UVRAG: variants seen among roughly 807,000 people sequenced by gnomAD.
The protein encoded by UVRAG is UV radiation resistance associated, also known as UV radiation resistance-associated gene protein.
In UVRAG, 19 loss-of-function variants were observed where a neutral mutation model predicts 78.0. The observed-to-expected ratio is 0.24, with a 90% CI of 0.17 to 0.36. The LOEUF is 0.36. Ranked by LOEUF, UVRAG falls within the 10% of genes least tolerant of loss-of-function variation. UVRAG has a pLI of 1.00. For missense variants in UVRAG, 740 were observed against 853.8 expected (o/e 0.87, Z 1.66); for synonymous variants, 323 against 324.6 (o/e 1.00, Z 0.05).
intron 4 of UVRAG, among the ~76,000 whole-genome samples, chr11:75,884,685 T>C (rs973708791): frequency 2.6e-5 from 4 of 152,142 alleles, no homozygotes; most frequent in Non-Finnish European, 5.9e-5. Flanking sequence ...TTGAATTACC[T>C]TGTCATCTTT....
chr11:75,929,419 A>G (rs372199873), intron 6 of UVRAG, among the ~76,000 whole-genome samples: 2 of 152,126 alleles, frequency 1.3e-5, no homozygotes, highest in South Asian at 2.1e-4. Flanking sequence ...TGAAAATCAG[A>G]GAGTTGTTTT....
intron 13 of UVRAG, among the ~76,000 whole-genome samples, chr11:76,091,574 T>C (rs549443284): frequency 3.0e-4 from 46 of 152,304 alleles, no homozygotes; most frequent in African/African-American, 1.0e-3. Context: ...TCTCTTTGTC[T>C]TTTTGTTCTA....
chr11:76,082,641 G>C lies in UVRAG; in HGVS notation c.1305+16853G>C, dbSNP rs139204851. 3.2e-3 allele frequency among the ~76,000 whole-genome samples: 481 copies of C among 151,192 alleles called. 6 individuals are homozygous for C. Among genetic ancestry groups the C allele is most frequent in the African/African-American group, 0.011 (456 of 41,148 alleles). Reference sequence around the variant, plus strand: ...CTTGAAAAATAATTGCCATTACAAAGGATGGCAAGGACTTCGTATTTCAGC... The same window carrying C: ...CTTGAAAAATAATTGCCATTACAAACGATGGCAAGGACTTCGTATTTCAGC... On this transcript the variant is annotated intron_variant, in intron 13 of 14. Transcript: ENST00000356136.
At chr11:75,964,698 C>A (rs1448690043) in intron 7 of UVRAG, among the ~76,000 whole-genome samples, 1 of 152,140 alleles carries the variant, frequency 6.6e-6, no homozygotes, top group Admixed American at 6.5e-5. Context: ...GTCAGGAGTT[C>A]GAGACCAGCC....
At chr11:75,965,686 T>G (rs554584819) in intron 7 of UVRAG, among the ~76,000 whole-genome samples, 77 of 152,332 alleles carry the variant, frequency 5.1e-4, no homozygotes, top group African/African-American at 1.7e-3. Flanking sequence ...GAGGCATTAT[T>G]GCAAGTGGAA....
chr11:75,994,016 G>T (rs1313111722), intron 8 of UVRAG, among the ~76,000 whole-genome samples: 1 of 152,050 alleles, frequency 6.6e-6, no homozygotes, highest in African/African-American at 2.4e-5. Context: ...CATTTGTGAG[G>T]GATCCATCCC....
chr11:75,925,923 G>GT (rs1380087350), intron 6 of UVRAG, among the ~76,000 whole-genome samples: 2 of 152,170 alleles, frequency 1.3e-5, no homozygotes, highest in African/African-American at 4.8e-5. Context: ...CAGAGTCTGA[G>GT]TTTAGTGGTA....
rs182515293 is a variant in UVRAG, at chr11:76,025,901, C to T, written c.1226+8921C>T. Among the ~76,000 whole-genome samples, 231 of 152,094 alleles carry T rather than the reference C, an allele frequency of 1.5e-3. 1 individual carries two copies. Among genetic ancestry groups the T allele is most frequent in the Non-Finnish European group, 2.6e-3 (175 of 67,964 alleles). On this transcript the variant is annotated intron_variant, in intron 12 of 14. Transcript: ENST00000356136. Reference sequence around the variant, plus strand: ...ACAGGTCCCCAAGTCTTATGACCTGCGTTTTTTATTATTCTTGCAGCCACA... The same window carrying T: ...ACAGGTCCCCAAGTCTTATGACCTGTGTTTTTTATTATTCTTGCAGCCACA...
chr11:75,906,021 C>T (rs1468096886), intron 5 of UVRAG, among the ~76,000 whole-genome samples: 1 of 152,050 alleles, frequency 6.6e-6, no homozygotes, highest in Non-Finnish European at 1.5e-5. Context: ...ATGTCTCTTG[C>T]AGTTCTTTGC....
chr11:76,027,337 T>C (rs1427182865), intron 12 of UVRAG, among the ~76,000 whole-genome samples: 1 of 152,298 alleles, frequency 6.6e-6, no homozygotes, highest in South Asian at 2.1e-4. Flanking sequence ...GCAGTTACTC[T>C]GTTACTTTCT....
chr11:75,852,132 C>G, intron 2 of UVRAG, 132 bp downstream of exon 2: 2 of 601,122 alleles, frequency 3.3e-6, no homozygotes, highest in South Asian at 4.4e-5. Context: ...CTGAAAATAT[C>G]TCATGAGCAG....
chr11:76,099,745 G>A (rs757691055), intron 13 of UVRAG, among the ~76,000 whole-genome samples: 24 of 151,882 alleles, frequency 1.6e-4, no homozygotes, highest in African/African-American at 3.1e-4. Flanking sequence ...ATAGCACCAC[G>A]TAATATTCTA....
intron 6 of UVRAG, among the ~76,000 whole-genome samples, chr11:75,921,931 T>C (rs988431396): frequency 7.9e-5 from 12 of 152,302 alleles, no homozygotes; most frequent in African/African-American, 2.6e-4. Context: ...ACTTTCAGAT[T>C]GATTTAACTA....
At chr11:75,820,464 C>A (rs1333012871) in intron 1 of UVRAG, among the ~76,000 whole-genome samples, 1 of 151,790 alleles carries the variant, frequency 6.6e-6, no homozygotes, top group African/African-American at 2.4e-5. Context: ...AAGCGATTCT[C>A]CTGCCTCAGC....
chr11:75,897,809 C>T (rs1947377058), intron 5 of UVRAG, among the ~76,000 whole-genome samples: 2 of 150,408 alleles, frequency 1.3e-5, no homozygotes, highest in Admixed American at 6.7e-5. Flanking sequence ...CAGGCATGAG[C>T]TACCAGCTGC....
chr11:75,997,411 A>C (rs1281277441), intron 8 of UVRAG, among the ~76,000 whole-genome samples: 2 of 152,220 alleles, frequency 1.3e-5, no homozygotes, highest in Non-Finnish European at 2.9e-5. Context: ...TTTGCTGTTA[A>C]AATTATATTG....
intron 8 of UVRAG, among the ~76,000 whole-genome samples, chr11:75,989,617 C>T (rs985024524): frequency 6.6e-6 from 1 of 152,152 alleles, no homozygotes; most frequent in Admixed American, 6.5e-5. Context: ...TCTATACTTG[C>T]TTTTATGAGA....
intron 8 of UVRAG, among the ~76,000 whole-genome samples, chr11:75,985,135 C>T (rs1479558891): frequency 6.7e-6 from 1 of 150,238 alleles, no homozygotes; most frequent in Non-Finnish European, 1.5e-5. Flanking sequence ...TTCCTACATC[C>T]TTGTCAGGAA....
intron 13 of UVRAG, 67 bp from the exon 14 acceptor site, chr11:76,115,857 G>A (rs760440098): frequency 1.1e-5 from 16 of 1,396,874 alleles, no homozygotes; most frequent in African/African-American, 1.4e-5. Flanking sequence ...AACTTGTTTA[G>A]TGGTTCATTT....
Sources: gnomAD v4.1 joint callset for allele counts (sites outside exome capture counted in the v4.1 genomes callset) on GRCh38, gnomAD v4.1.1 for gene constraint, MANE v1.5 for transcripts, NCBI Gene and HGNC (gene_info 2026-07-23, HGNC 2026-07-21) for gene names.